Variants in CAMK2D observed in about 807,000 individuals in gnomAD.
CAMK2D encodes calcium/calmodulin-dependent protein kinase type II subunit delta.
In CAMK2D, 37 loss-of-function variants were observed where a neutral mutation model predicts 84.0. That is an observed-to-expected ratio of 0.44 (90% CI 0.34 to 0.58). The LOEUF is 0.58. Among genes scored for constraint, CAMK2D ranks in the 20% least tolerant of loss-of-function variants. The probability of loss-of-function intolerance (pLI) is 0.02; values close to 1 mark genes in which losing one functional copy is unlikely to be tolerated. For synonymous variants in CAMK2D, 202 were observed against 212.5 expected, an observed-to-expected ratio of 0.95 and a Z score of 0.43; for missense variants, 448 against 652.5, an observed-to-expected ratio of 0.69 and a Z score of 3.41.
intron 8 of CAMK2D, among the ~76,000 whole-genome samples, chr4:113,530,101 A>C (rs2098448144): frequency 6.6e-6 from 1 of 152,250 alleles, no homozygotes; most frequent in Non-Finnish European, 1.5e-5. Context: ...AGAGAATATC[A>C]ACTTCAAATT....
chr4:113,673,602 A>G (rs1343138295), intron 2 of CAMK2D, among the ~76,000 whole-genome samples: 1 of 152,192 alleles, frequency 6.6e-6, no homozygotes, highest in Non-Finnish European at 1.5e-5. Context: ...TCATGCATCT[A>G]ACAGAGGGTA....
intron 16 of CAMK2D, among the ~76,000 whole-genome samples, chr4:113,498,517 A>G (rs576096066): frequency 6.6e-6 from 1 of 152,350 alleles, no homozygotes; most frequent in South Asian, 2.1e-4. Context: ...AAACTTAAAT[A>G]ATGTATTTAT....
intron 2 of CAMK2D, among the ~76,000 whole-genome samples, chr4:113,687,480 G>T (rs2099363197): frequency 6.6e-6 from 1 of 152,134 alleles, no homozygotes; most frequent in Non-Finnish European, 1.5e-5. Context: ...CTAAATATCT[G>T]TTAGGCCTTT....
chr4:113,760,777 G>C (rs1206883598), intron 1 of CAMK2D, among the ~76,000 whole-genome samples: 2 of 151,996 alleles, frequency 1.3e-5, no homozygotes, highest in African/African-American at 4.8e-5. Context: ...GGAGAAGGTG[G>C]GCTAGGGACC....
chr4:113,595,679 G>A (rs1212637907), intron 4 of CAMK2D, among the ~76,000 whole-genome samples: 1 of 152,160 alleles, frequency 6.6e-6, no homozygotes, highest in Non-Finnish European at 1.5e-5. Flanking sequence ...AGTTATGTTT[G>A]CACTATACCA....
intron 4 of CAMK2D, among the ~76,000 whole-genome samples, chr4:113,564,937 A>G (rs1311453896): frequency 6.6e-6 from 1 of 152,248 alleles, no homozygotes; most frequent in Non-Finnish European, 1.5e-5. Context: ...AACGGATATA[A>G]CAGATATCCA....
chr4:113,617,913 C>CACACACACACAT (rs199525950), intron 3 of CAMK2D, among the ~76,000 whole-genome samples: 3 of 151,900 alleles, frequency 2.0e-5, no homozygotes, highest in African/African-American at 7.3e-5. Context: ...TTGGGTCATA[C>CACACACACACAT]ACACACACTC....
intron 2 of CAMK2D, among the ~76,000 whole-genome samples, chr4:113,670,663 C>T (rs563309837): frequency 9.9e-5 from 15 of 151,672 alleles, no homozygotes; most frequent in African/African-American, 3.6e-4. Flanking sequence ...ACTTGAGACA[C>T]TTTGTATTAA....
At chr4:113,736,317 G>A (rs1353292064) in intron 2 of CAMK2D, among the ~76,000 whole-genome samples, 3 of 152,068 alleles carry the variant, frequency 2.0e-5, no homozygotes, top group Non-Finnish European at 4.4e-5. Flanking sequence ...TAGACACTGA[G>A]TGTACAAAGA....
At chr4:113,712,674 A>T (rs1422799272) in intron 2 of CAMK2D, among the ~76,000 whole-genome samples, 3 of 152,106 alleles carry the variant, frequency 2.0e-5, no homozygotes, top group African/African-American at 7.2e-5. Flanking sequence ...TTTTAATTTA[A>T]ATTCTAGTGA....
intron 17 of CAMK2D, among the ~76,000 whole-genome samples, chr4:113,463,663 A>G (rs775479562): frequency 6.6e-6 from 1 of 152,256 alleles, no homozygotes; most frequent in African/African-American, 2.4e-5. Flanking sequence ...GGCGTGAGAC[A>G]TCGCACCTGG....
intron 4 of CAMK2D, among the ~76,000 whole-genome samples, chr4:113,598,933 C>T (rs761780025): frequency 1.3e-5 from 2 of 151,970 alleles, no homozygotes; most frequent in Non-Finnish European, 2.9e-5. Context: ...TCTTGAAGTG[C>T]TAGGAATATA....
At chr4:113,750,740 G>C (rs1395941409) in intron 2 of CAMK2D, among the ~76,000 whole-genome samples, 1 of 152,208 alleles carries the variant, frequency 6.6e-6, no homozygotes, top group East Asian at 1.9e-4. Flanking sequence ...GGCACAGTGA[G>C]TAGCTCACGC....
chr4:113,477,920 T>A (rs1051469592), intron 16 of CAMK2D, among the ~76,000 whole-genome samples: 1 of 152,316 alleles, frequency 6.6e-6, no homozygotes, highest in East Asian at 1.9e-4. Flanking sequence ...TAAATTACCA[T>A]AAATTATGAA....
intron 16 of CAMK2D, among the ~76,000 whole-genome samples, chr4:113,495,229 GTTA>G (rs1172429229): frequency 6.6e-6 from 1 of 152,132 alleles, no homozygotes; most frequent in Non-Finnish European, 1.5e-5. Context: ...CCTGAAAGAA[GTTA>G]TTATACACTA....
At chr4:113,640,428 A>C (rs2154293808) in intron 3 of CAMK2D, among the ~76,000 whole-genome samples, 1 of 152,294 alleles carries the variant, frequency 6.6e-6, no homozygotes, top group Admixed American at 6.5e-5. Flanking sequence ...AAAGGAGGTA[A>C]CTCATATGGT....
chr4:113,614,995 T>C (rs540380987), intron 3 of CAMK2D, among the ~76,000 whole-genome samples: 1 of 152,306 alleles, frequency 6.6e-6, no homozygotes, highest in Admixed American at 6.5e-5. Context: ...CTCATAATCA[T>C]TGTTTGTCAG....
intron 2 of CAMK2D, among the ~76,000 whole-genome samples, chr4:113,728,781 A>T (rs1341474173): frequency 6.6e-6 from 1 of 152,152 alleles, no homozygotes; most frequent in Non-Finnish European, 1.5e-5. Context: ...TAATAACAGC[A>T]CATATGTCAC....
chr4:113,464,735 G>A (rs1211642956), intron 17 of CAMK2D, among the ~76,000 whole-genome samples: 2 of 152,212 alleles, frequency 1.3e-5, no homozygotes, highest in Non-Finnish European at 2.9e-5. Context: ...AAGAGATGCA[G>A]ATAAAGTTGA....
Sources: gnomAD v4.1 joint callset for allele counts (sites outside exome capture counted in the v4.1 genomes callset) on GRCh38, gnomAD v4.1.1 for gene constraint, MANE v1.5 for transcripts, NCBI Gene and HGNC (gene_info 2026-07-23, HGNC 2026-07-21) for gene names.